The following TENT5C variants were observed in gnomAD, a reference collection of about 807,000 sequenced individuals.
The protein encoded by TENT5C is terminal nucleotidyltransferase 5C.
TENT5C carries 5 observed loss-of-function variants against 22.2 expected under a neutral mutation model. The observed-to-expected ratio is 0.22, with a 90% CI of 0.12 to 0.47. The LOEUF is 0.47. TENT5C is among the 20% of genes least tolerant of loss of function. The pLI, the probability that TENT5C is intolerant of heterozygous loss-of-function variation, is 0.99. For synonymous variants in TENT5C, 199 were observed against 195.4 expected (o/e 1.02, Z -0.15); for missense variants, 364 against 500.9 (o/e 0.73, Z 2.61).
In TENT5C at chr1:117,623,865, A is replaced by T. The variant is rs1281807855; in HGVS notation, c.997A>T (p.Ile333Phe). Residue 333 changes from isoleucine to phenylalanine, a missense_variant, in exon 2 of 2, where the codon ATC becomes TTC. By Grantham distance (21) the Ile-to-Phe change is conservative. Around this residue, in one of 3 missense-constraint regions of TENT5C, gnomAD observed 54 missense variants for 76.5 expected, o/e 0.71. Coordinates refer to ENST00000369448, the MANE Select transcript of TENT5C (RefSeq NM_017709.4). ...TGAACGCAGGCAGACTCTGAACCTC[A>T]TCTCCCTCCTGGCCTTGCGTGTGCT... The part of the protein sequence containing the change: ...GHERRQTLNL[I>F]SLLALRVLAE... 3 of 1,614,002 alleles carry T rather than the reference A, an allele frequency of 1.9e-6. No individual in the cohort carries two copies. The highest frequency in any genetic ancestry group is 2.5e-6 in the Non-Finnish European group (3 of 1,180,032).
rs11555403 is a variant in TENT5C at position 117,627,184 on chromosome 1, C to A, written c.*3140C>A. On this transcript the variant is annotated 3_prime_UTR_variant, in exon 2 of 2. Transcript: ENST00000369448. ...GATAGATGCTACAGATGTAGTTTGG[C>A]ATTTCAGTTTTTGTCCAGTTTGATT... 490 of 248,184 alleles carry A rather than the reference C, an allele frequency of 2.0e-3. 2 individuals are homozygous for A. The highest frequency in any genetic ancestry group is 7.7e-3 in the African/African-American group (348 of 45,476). The allele number at this position is 248,184 out of a possible 1,614,324, so 15.4% of individuals were successfully genotyped here.
rs750607484 is a variant in TENT5C at position 117,623,591 on chromosome 1, C to T, written c.723C>T (p.Gly241=). ...IATKNPEEIR[G]GGLLKYSNLL... ...CCAAGAACCCAGAAGAAATCAGAGGCGGGGGACTTCTCAAGTACAGCAACC... is the reference window on the plus strand; with the variant it reads ...CCAAGAACCCAGAAGAAATCAGAGGTGGGGGACTTCTCAAGTACAGCAACC... The change falls in exon 2 of 2, where the codon GGC becomes GGT. Residue 241 remains glycine (G), a synonymous_variant. Coordinates refer to ENST00000369448, the MANE Select transcript of TENT5C (RefSeq NM_017709.4). The T allele has an allele frequency of 1.5e-5, 25 of 1,613,594 alleles. No individual in the cohort carries two copies. The highest frequency in any genetic ancestry group is 5.0e-5 in the Admixed American group (3 of 59,970).
At chr1:117,617,085 T>C (rs1409721726) in intron 1 of TENT5C, among the ~76,000 whole-genome samples, 1 of 152,186 alleles carries the variant, frequency 6.6e-6, no homozygotes, top group Non-Finnish European at 1.5e-5. Context: ...CCCCTCCAGC[T>C]CATGCACCTG....
chr1:117,615,612 G>A (rs1653765235), intron 1 of TENT5C, among the ~76,000 whole-genome samples: 1 of 152,246 alleles, frequency 6.6e-6, no homozygotes. Context: ...GCCATGTGAA[G>A]AGCCCTTGGA....
At chr1:117,622,811 C>T (rs1409315802) in intron 1 of TENT5C, 31 bp from the exon 2 acceptor site, 2 of 1,502,706 alleles carry the variant, frequency 1.3e-6, no homozygotes, top group East Asian at 2.3e-5. Context: ...AGAAGTGAAT[C>T]CTAACTCTGC....
Position 117,624,117 on chromosome 1 carries a change from T to C in TENT5C, c.*73T>C, listed in dbSNP as rs542844836. On this transcript the variant is annotated 3_prime_UTR_variant, in exon 2 of 2. Coordinates refer to ENST00000369448, the MANE Select transcript of TENT5C (RefSeq NM_017709.4). ...GCTCTCAGGTAGGGGAGCCTCCTTC[T>C]AGATGTAGGCATTTGGCTTTTAAAG... 1,328 of 1,313,740 alleles carry C rather than the reference T, an allele frequency of 1.0e-3. 1 individual carries two copies. The highest frequency in any genetic ancestry group is 1.2e-3 in the Non-Finnish European group (1,178 of 964,458). The allele number at this position is 1,313,740 out of a possible 1,614,324, so 81.4% of individuals were successfully genotyped here.
chr1:117,623,265 A>G lies in TENT5C; in HGVS notation c.397A>G (p.Thr133Ala), dbSNP rs1461402036. 2 of 1,614,066 alleles carry G rather than the reference A, an allele frequency of 1.2e-6. No homozygotes were observed. The highest frequency in any genetic ancestry group is 1.7e-6 in the Non-Finnish European group (2 of 1,180,008). The change falls in exon 2 of 2, where the codon ACT becomes GCT. Residue 133 changes from threonine (T) to alanine (A), a missense_variant. This residue lies in a region of TENT5C where 303 missense variants were observed against 394.5 expected (regional missense o/e 0.77). Transcript: ENST00000369448. ...GVNKLKISPV[T>A]LKEAYVQKLV... ...GAACAAGCTCAAAATCAGTCCAGTC[A>G]CTCTGAAGGAGGCATATGTGCAGAA...
chr1:117,623,384 C>T lies in TENT5C; in HGVS notation c.516C>T (p.Ser172=), dbSNP rs1351553140. The T allele has an allele frequency of 6.2e-7, 1 of 1,614,146 alleles. No individual in the cohort carries two copies. The highest frequency in any genetic ancestry group is 8.5e-7 in the Non-Finnish European group (1 of 1,180,042). The change falls in exon 2 of 2, where the codon TCC becomes TCT. Residue 172 remains serine (S), a synonymous_variant. Transcript: ENST00000369448. The part of the protein sequence containing the change: ...GKNVELKFVD[S]IRRQFEFSVD... Reference sequence around the variant, plus strand: ...ACGTGGAGCTGAAGTTTGTCGACTCCATTCGGCGTCAGTTTGAGTTCAGTG... The same window carrying T: ...ACGTGGAGCTGAAGTTTGTCGACTCTATTCGGCGTCAGTTTGAGTTCAGTG...
intron 1 of TENT5C, among the ~76,000 whole-genome samples, chr1:117,618,503 T>C (rs1325694435): frequency 6.6e-6 from 1 of 152,180 alleles, no homozygotes; most frequent in East Asian, 1.9e-4. Context: ...CCCTTATCTG[T>C]AGAGATCAGC....
rs768215715 is a variant in TENT5C at position 117,623,773 on chromosome 1, G to A, written c.905G>A (p.Ser302Asn). The change falls in exon 2 of 2, where the codon AGC becomes AAC. Residue 302 changes from serine to asparagine, a missense_variant. Around this residue, in one of 3 missense-constraint regions of TENT5C, gnomAD observed 303 missense variants for 394.5 expected, o/e 0.77. Transcript: ENST00000369448. Reference sequence around the variant, plus strand: ...AACCACTTCGCTGAAGAAGAGAGAAGCAAGTACGACTACCTCATGATCCTT... The same window carrying A: ...AACCACTTCGCTGAAGAAGAGAGAAACAAGTACGACTACCTCATGATCCTT... ...LQNHFAEEER[S>N]KYDYLMILRR... is the part of the protein sequence containing the mutation. 16 of 1,614,084 alleles carry A rather than the reference G, an allele frequency of 9.9e-6. No individual in the cohort carries two copies. Among genetic ancestry groups the A allele is most frequent in the Non-Finnish European group, 1.4e-5 (16 of 1,180,042 alleles).
At chr1:117,619,161 A>C (rs1308860181) in intron 1 of TENT5C, among the ~76,000 whole-genome samples, 1 of 152,216 alleles carries the variant, frequency 6.6e-6, no homozygotes, top group Non-Finnish European at 1.5e-5. Context: ...ATATAATTCA[A>C]AGTAGACTTA....
rs2101080302 is a variant in TENT5C at position 117,623,664 on chromosome 1, C to T, written c.796C>T (p.Leu266=). The change falls in exon 2 of 2, where the codon CTA becomes TTA. Residue 266 remains leucine (L), a synonymous_variant. Transcript: ENST00000369448. ...CACAGACCAGGAAGAAATCAAAACT[C>T]TAGAGCGCTACATGTGCTCCAGGTT... is the stretch of plus-strand genomic sequence containing the variant. The part of the protein sequence containing the change: ...RPTDQEEIKT[L]ERYMCSRFFI... 2 of 1,614,032 alleles carry T rather than the reference C, an allele frequency of 1.2e-6. No individual in the cohort carries two copies. Among genetic ancestry groups the T allele is most frequent in the South Asian group, 2.2e-5 (2 of 91,060 alleles).
intron 1 of TENT5C, 122 bp from the exon 2 acceptor site, chr1:117,622,720 A>T: frequency 1.5e-6 from 1 of 668,056 alleles, no homozygotes; most frequent in Non-Finnish European, 2.6e-6. Context: ...AACACTGAGC[A>T]GTAAGTGCTA....
intron 1 of TENT5C, among the ~76,000 whole-genome samples, chr1:117,607,084 G>A (rs945027302): frequency 6.6e-6 from 1 of 152,214 alleles, no homozygotes; most frequent in Non-Finnish European, 1.5e-5. Flanking sequence ...CGAGTCAGAG[G>A]AGGGTGACTT....
chr1:117,620,439 T>C (rs1558007072), intron 1 of TENT5C, among the ~76,000 whole-genome samples: 1 of 152,072 alleles, frequency 6.6e-6, no homozygotes, highest in Non-Finnish European at 1.5e-5. Flanking sequence ...AGCAAGTGAG[T>C]TGTATTTCTT....
At position 117,616,636 on chromosome 1, in the gene TENT5C, T is replaced by C. The variant is rs567109767; in HGVS notation, c.-27-6206T>C. 1.7e-3 allele frequency among the ~76,000 whole-genome samples: 264 copies of C among 152,350 alleles called. 1 individual carries two copies. The highest frequency in any genetic ancestry group is 7.9e-3 in the South Asian group (38 of 4,826). On this transcript the variant is annotated intron_variant, in intron 1 of 1. Coordinates refer to ENST00000369448, the MANE Select transcript of TENT5C (RefSeq NM_017709.4). ...GCGCATTGCCCAAGATTCCAGCTCT[T>C]ACCTTGGGTTAGAAAGTTTTACTGG...
intron 1 of TENT5C, among the ~76,000 whole-genome samples, chr1:117,616,798 C>T (rs2101076357): frequency 6.6e-6 from 1 of 152,324 alleles, no homozygotes; most frequent in African/African-American, 2.4e-5. Flanking sequence ...ACTTAGTTGC[C>T]TCTGGACTGC....
chr1:117,615,730 A>T (rs898258738), intron 1 of TENT5C, among the ~76,000 whole-genome samples: 2 of 152,236 alleles, frequency 1.3e-5, no homozygotes, highest in African/African-American at 4.8e-5. Context: ...TTTCCCACAC[A>T]CTATGGCAAT....
chr1:117,623,615 C>T lies in TENT5C; in HGVS notation c.747C>T (p.Asn249=). The T allele has an allele frequency of 1.2e-6, 2 of 1,613,622 alleles. No individual in the cohort carries two copies. Among genetic ancestry groups the T allele is most frequent in the Non-Finnish European group, 8.5e-7 (1 of 1,179,954 alleles). ...GCGGGGGACTTCTCAAGTACAGCAA[C>T]CTTCTTGTGCGGGACTTCAGGCCCA... is the stretch of plus-strand genomic sequence containing the variant. ...IRGGGLLKYS[N]LLVRDFRPTD... Residue 249 remains asparagine (N), a synonymous_variant, in exon 2 of 2, where the codon AAC becomes AAT. Transcript: ENST00000369448.
Sources: gnomAD v4.1 joint callset for allele counts (sites outside exome capture counted in the v4.1 genomes callset) on GRCh38, gnomAD v4.1.1 for gene constraint, gnomAD v4.1.1 regional missense constraint, MANE v1.5 for transcripts, NCBI Gene and HGNC (gene_info 2026-07-23, HGNC 2026-07-21) for gene names.